The following MAF variants were observed in gnomAD, a reference collection of about 807,000 sequenced individuals.
MAF encodes the protein transcription factor Maf.
MAF carries 10 observed loss-of-function variants against 22.0 expected under a neutral mutation model. That is an observed-to-expected ratio of 0.45 (90% CI 0.28 to 0.77). MAF has a LOEUF of 0.77. MAF is among the 30% of genes least tolerant of loss of function. MAF has a pLI of 0.12. For missense variants in MAF, 544 were observed against 548.4 expected (o/e 0.99, Z 0.08); for synonymous variants, 337 against 255.8 (o/e 1.32, Z -3.03).
the MAF span, among the ~76,000 whole-genome samples, chr16:79,248,565 G>A: frequency 2.0e-5 from 3 of 152,092 alleles, no homozygotes; most frequent in Admixed American, 6.5e-5. Context: ...TTTCTGACAT[G>A]TTTTCCCTCC....
the MAF span, among the ~76,000 whole-genome samples, chr16:79,570,061 T>C: frequency 2.6e-5 from 4 of 151,566 alleles, no homozygotes; most frequent in Admixed American, 1.3e-4. Flanking sequence ...TATCTAAATT[T>C]CTTCAGCTGT....
chr16:79,586,459 A>C (rs1372809145), intron 1 of MAF, among the ~76,000 whole-genome samples: 1 of 152,176 alleles, frequency 6.6e-6, no homozygotes, highest in Non-Finnish European at 1.5e-5. Flanking sequence ...CACTGACCTT[A>C]ACTGCAAATG....
the MAF span, among the ~76,000 whole-genome samples, chr16:79,303,080 G>T: frequency 6.6e-6 from 1 of 152,144 alleles, no homozygotes; most frequent in Non-Finnish European, 1.5e-5. Flanking sequence ...CAACACAAGC[G>T]TGTAATCTGT....
the MAF span, among the ~76,000 whole-genome samples, chr16:79,421,052 T>G: frequency 1.3e-5 from 2 of 151,094 alleles, no homozygotes; most frequent in African/African-American, 4.9e-5. Context: ...AAAAAAAAAA[T>G]TGAGAGAGAG....
At chr16:79,335,116 C>A in the MAF span, among the ~76,000 whole-genome samples, 1 of 147,616 alleles carries the variant, frequency 6.8e-6, no homozygotes, top group Non-Finnish European at 1.5e-5. Context: ...AACTGGGAGG[C>A]AGATGTTGCA....
chr16:79,275,537 T>C, the MAF span, among the ~76,000 whole-genome samples: 1 of 152,164 alleles, frequency 6.6e-6, no homozygotes, highest in East Asian at 1.9e-4. Flanking sequence ...CTCAAAGACC[T>C]AATGATGAGA....
At chr16:79,380,958 C>A in the MAF span, among the ~76,000 whole-genome samples, 10 of 152,248 alleles carry the variant, frequency 6.6e-5, no homozygotes, top group African/African-American at 2.4e-4. Context: ...TAGGAAGTAT[C>A]TGGGAATGAA....
chr16:79,416,666 C>T, the MAF span, among the ~76,000 whole-genome samples: 5 of 152,200 alleles, frequency 3.3e-5, no homozygotes, highest in South Asian at 2.1e-4. Flanking sequence ...CCTGGGAGCG[C>T]GGTGCTCCGA....
the MAF span, among the ~76,000 whole-genome samples, chr16:79,380,434 A>G: frequency 6.6e-6 from 1 of 152,188 alleles, no homozygotes; most frequent in Non-Finnish European, 1.5e-5. Context: ...AGCTTATTCA[A>G]TTTTTCCAAT....
chr16:79,298,333 C>T, the MAF span, among the ~76,000 whole-genome samples: 1 of 152,250 alleles, frequency 6.6e-6, no homozygotes, highest in Non-Finnish European at 1.5e-5. Context: ...CCTGTCTATC[C>T]TAAGTTTTAC....
the MAF span, among the ~76,000 whole-genome samples, chr16:79,292,691 G>A: frequency 6.6e-6 from 1 of 152,250 alleles, no homozygotes; most frequent in African/African-American, 2.4e-5. Context: ...GTCACAGGAT[G>A]AGATACAAGG....
At chr16:79,353,517 A>G in the MAF span, among the ~76,000 whole-genome samples, 2 of 152,100 alleles carry the variant, frequency 1.3e-5, no homozygotes, top group African/African-American at 4.8e-5. Context: ...GCTACATAAT[A>G]TGATCTCCGT....
intron 1 of MAF, chr16:79,596,322 A>G: frequency 9.4e-7 from 1 of 1,059,930 alleles, no homozygotes; most frequent in South Asian, 4.6e-5. Flanking sequence ...ATATGGGGCC[A>G]GCCTCCTCAC....
chr16:79,303,964 A>C, the MAF span, among the ~76,000 whole-genome samples: 2 of 152,350 alleles, frequency 1.3e-5, no homozygotes, highest in East Asian at 3.9e-4. Context: ...GACTCATTGC[A>C]AAAGAATATG....
the MAF span, among the ~76,000 whole-genome samples, chr16:79,408,467 C>T: frequency 1.3e-5 from 2 of 152,204 alleles, no homozygotes; most frequent in Admixed American, 6.5e-5. Context: ...TGAGCCACCG[C>T]ACCCAGCCAC....
At chr16:79,240,452 A>T in the MAF span, among the ~76,000 whole-genome samples, 2 of 135,526 alleles carry the variant, frequency 1.5e-5, no homozygotes, top group Admixed American at 8.1e-5. Flanking sequence ...AGAATAAAAA[A>T]CCCTTTTGCC....
the MAF span, among the ~76,000 whole-genome samples, chr16:79,231,320 G>A: frequency 6.6e-6 from 1 of 152,002 alleles, no homozygotes; most frequent in Non-Finnish European, 1.5e-5. Context: ...CTGGTTTCTG[G>A]GGTAAAACTG....
At chr16:79,265,391 C>T in the MAF span, among the ~76,000 whole-genome samples, 2 of 152,252 alleles carry the variant, frequency 1.3e-5, no homozygotes, top group South Asian at 2.1e-4. Flanking sequence ...ACTGACCTCC[C>T]AGCCTCCTCT....
At chr16:79,375,928 C>G in the MAF span, among the ~76,000 whole-genome samples, 38 of 152,276 alleles carry the variant, frequency 2.5e-4, no homozygotes, top group African/African-American at 8.9e-4. Context: ...ATATCAAACA[C>G]TGCACTGGAG....
Sources: allele counts gnomAD v4.1 joint callset (sites outside exome capture counted in the v4.1 genomes callset), GRCh38; gene constraint gnomAD v4.1.1; transcripts MANE v1.5; gene names NCBI Gene and HGNC (gene_info 2026-07-23, HGNC 2026-07-21).